The following PDXDC1 variants were observed in gnomAD, a reference collection of about 807,000 sequenced individuals.
The protein encoded by PDXDC1 is pyridoxal-dependent decarboxylase domain-containing protein 1.
In PDXDC1, 42 loss-of-function variants were observed where a neutral mutation model predicts 100.1. The observed-to-expected ratio is 0.42, with a 90% CI of 0.33 to 0.54. The LOEUF (loss-of-function observed/expected upper bound fraction) is 0.54, where lower values mean the gene tolerates loss of function less well. Among genes scored for constraint, PDXDC1 ranks in the 20% least tolerant of loss-of-function variants. The pLI is 0.10. For synonymous variants in PDXDC1, 260 were observed against 371.7 expected (o/e 0.70, Z 3.46); for missense variants, 636 against 979.2 (o/e 0.65, Z 4.68).
chr16:15,128,204 G>C, intron 16 of PDXDC1: 1 of 1,610,880 alleles, frequency 6.2e-7, no homozygotes, highest in Non-Finnish European at 8.5e-7. Flanking sequence ...GGCAGAGCTT[G>C]GCAGGGTCCG....
chr16:15,040,917 C>T, downstream of PDXDC1: 1 of 659,264 alleles, frequency 1.5e-6, no homozygotes, highest in Admixed American at 2.6e-5. Context: ...AAGCTACTTG[C>T]CCAAGGCCTC....
At chr16:15,103,484 A>G (rs946299950) in intron 16 of PDXDC1, 16 of 603,670 alleles carry the variant, frequency 2.7e-5, no homozygotes, top group African/African-American at 2.6e-4. Context: ...CCCCTTGGGT[A>G]TATCTAATGT....
intron 16 of PDXDC1, chr16:15,076,759 G>A: frequency 1.4e-6 from 1 of 736,570 alleles, no homozygotes; most frequent in Non-Finnish European, 2.4e-6. Context: ...GTCCAGATTA[G>A]TGCCTTATAT....
rs1007965819 is a variant in PDXDC1 at position 15,038,102 on chromosome 16, C to T, written c.*1827C>T. 4 of 1,612,618 alleles carry T rather than the reference C, an allele frequency of 2.5e-6. No homozygotes were observed. In the African/African-American group the frequency reaches 4.0e-5, roughly 16 times the overall value. On this transcript the variant is annotated 3_prime_UTR_variant, in exon 23 of 23. Transcript: ENST00000396410. ...TTTTTGTAGAGTAGGGCTTTATTTC[C>T]AGAAAACAGTGTGTGAGCTGGAGAT...
In PDXDC1 at chr16:15,007,232, G is replaced by A. The variant is rs867300637; in HGVS notation, c.579+649G>A. Among the ~76,000 whole-genome samples, 39 of 142,248 alleles carry A rather than the reference G, an allele frequency of 2.7e-4. No homozygotes were observed. In the Middle Eastern group the frequency reaches 0.023, roughly 84 times the overall value. 93.3% of individuals were successfully genotyped at this position (142,248 alleles called of 152,430 possible). A position where few individuals can be genotyped will look rare whatever the true frequency, so the allele number is the denominator to read the frequency against. On this transcript the variant is annotated intron_variant, in intron 6 of 22. Coordinates refer to ENST00000396410, the MANE Select transcript of PDXDC1 (RefSeq NM_015027.4). Reference sequence around the variant, plus strand: ...GTCGCCCAGGCCGGAGTGCAGTGGCGTGATCTCGGCTCACTGCAAGCTCCG... The same window carrying A: ...GTCGCCCAGGCCGGAGTGCAGTGGCATGATCTCGGCTCACTGCAAGCTCCG...
chr16:15,048,192 G>T (rs1470214808), intron 16 of PDXDC1: 1 of 797,950 alleles, frequency 1.3e-6, no homozygotes, highest in Non-Finnish European at 2.1e-6. Context: ...GCTCTGCGTG[G>T]GCAGCACGCT....
the PDXDC1 span, among the ~76,000 whole-genome samples, chr16:15,147,569 C>T: frequency 6.6e-6 from 1 of 152,170 alleles, no homozygotes; most frequent in Non-Finnish European, 1.5e-5. Context: ...CTCTGTCTCC[C>T]AGGCTGGAGT....
intron 16 of PDXDC1, among the ~76,000 whole-genome samples, chr16:15,100,503 A>G (rs2003238): frequency 0.079 from 12,045 of 152,104 alleles, 797 homozygotes; most frequent in African/African-American, 0.17. Context: ...CCAACCAGAT[A>G]CTTCTCTGTT....
At chr16:15,130,658 G>A in intron 16 of PDXDC1, 3 of 1,433,434 alleles carry the variant, frequency 2.1e-6, no homozygotes, top group Middle Eastern at 2.4e-4. Context: ...AGAAGGTGTA[G>A]GGCCGGTGGT....
intron 16 of PDXDC1, among the ~76,000 whole-genome samples, chr16:15,088,410 T>C (rs1340332002): frequency 1.3e-5 from 2 of 151,932 alleles, no homozygotes; most frequent in African/African-American, 4.8e-5. Flanking sequence ...GAGGCTGCAG[T>C]GAGCCATGAT....
At chr16:15,030,876 A>G (rs1339515506) in intron 16 of PDXDC1, among the ~76,000 whole-genome samples, 4 of 152,042 alleles carry the variant, frequency 2.6e-5, no homozygotes, top group African/African-American at 9.7e-5. Flanking sequence ...CATTAGAGTC[A>G]TCCGGGAGCT....
chr16:15,149,346 C>T, the PDXDC1 span, among the ~76,000 whole-genome samples: 9 of 152,174 alleles, frequency 5.9e-5, no homozygotes, highest in Non-Finnish European at 1.3e-4. Flanking sequence ...GATAACGGAG[C>T]CCTCGAGGGT....
chr16:15,106,599 C>T (rs577198399), intron 16 of PDXDC1, among the ~76,000 whole-genome samples: 1 of 149,800 alleles, frequency 6.7e-6, no homozygotes, highest in Admixed American at 6.7e-5. Flanking sequence ...ACTAAAAATA[C>T]AAAAAATTAG....
At chr16:15,042,717 A>ATTTAT (rs2043871189), downstream of PDXDC1, among the ~76,000 whole-genome samples, 2 of 89,374 alleles carry the variant, frequency 2.2e-5, no homozygotes, top group Non-Finnish European at 5.4e-5. Flanking sequence ...CAAAGGATGA[A>ATTTAT]CTATTTATTT....
rs918002571 is a variant in PDXDC1, at chr16:15,124,924, G to A, written c.1400-13955G>A. On this transcript the variant is annotated intron_variant, in intron 16 of 16. Coordinates refer to the PDXDC1 transcript ENST00000535621. ...AGCACTTTGGGAGGCTGAGGCAGGC[G>A]GATCACGAGGTTAGGAGTTCGAGAC... Among the ~76,000 whole-genome samples, 31 of 151,514 alleles carry A rather than the reference G, an allele frequency of 2.0e-4. No homozygotes were observed. The East Asian group carries it at 3.1e-3, about 15-fold the overall frequency.
chr16:15,140,613 A>T (rs1452613669), downstream of PDXDC1, among the ~76,000 whole-genome samples: 2 of 152,146 alleles, frequency 1.3e-5, no homozygotes, highest in Admixed American at 6.5e-5. Flanking sequence ...AAGAAAAGGC[A>T]ACAGAAACCA....
At chr16:15,128,173 G>T in intron 16 of PDXDC1, 1 of 1,609,988 alleles carries the variant, frequency 6.2e-7, no homozygotes, top group Non-Finnish European at 8.5e-7. Flanking sequence ...CTCGCAGGGC[G>T]CCCCAACGCG....
At chr16:15,008,918 T>G in intron 7 of PDXDC1, 71 bp downstream of exon 7, 1 of 1,454,640 alleles carries the variant, frequency 6.9e-7, no homozygotes, top group Admixed American at 1.7e-5. Flanking sequence ...ATGAAGTTCT[T>G]TTTGCTGGCC....
chr16:15,117,344 A>G (rs1031092211), intron 16 of PDXDC1, among the ~76,000 whole-genome samples: 5 of 127,940 alleles, frequency 3.9e-5, no homozygotes, highest in African/African-American at 1.2e-4. Flanking sequence ...GTACTTTCCA[A>G]AGTTAGTAAA....
Sources: gnomAD v4.1 joint callset for allele counts (sites outside exome capture counted in the v4.1 genomes callset) on GRCh38, gnomAD v4.1.1 for gene constraint, MANE v1.5 for transcripts, NCBI Gene and HGNC (gene_info 2026-07-23, HGNC 2026-07-21) for gene names.